SLC38A4: variants seen among roughly 807,000 people sequenced by gnomAD.
SLC38A4 encodes the protein solute carrier family 38 member 4.
SLC38A4 carries 20 observed loss-of-function variants against 63.1 expected under a neutral mutation model. The ratio of observed to expected loss-of-function variants is 0.32; its 90% CI spans 0.22 to 0.46. SLC38A4 has a LOEUF of 0.46. Among genes scored for constraint, SLC38A4 ranks in the 20% least tolerant of loss-of-function variants. The pLI is 1.00. For synonymous variants in SLC38A4, 230 were observed against 225.5 expected (o/e 1.02, Z -0.18); for missense variants, 526 against 663.6 (o/e 0.79, Z 2.28).
At chr12:46,776,731 T>G (rs745478225) in intron 13 of SLC38A4, among the ~76,000 whole-genome samples, 173 bp downstream of exon 13, 5 of 152,004 alleles carry the variant, frequency 3.3e-5, no homozygotes, top group Non-Finnish European at 7.4e-5. Context: ...CCAGGCTGAA[T>G]CAGGCCCCAT....
intron 3 of SLC38A4, among the ~76,000 whole-genome samples, chr12:46,791,947 G>C (rs1327828115): frequency 1.3e-5 from 2 of 152,074 alleles, no homozygotes; most frequent in Non-Finnish European, 2.9e-5. Flanking sequence ...TAACAAATAG[G>C]GAGAGGGCAA....
chr12:46,787,380 G>T lies in SLC38A4; in HGVS notation c.326+536C>A, dbSNP rs147531338. On this transcript the variant is annotated intron_variant, in intron 5 of 16. Coordinates refer to ENST00000266579, the MANE Select transcript of SLC38A4 (RefSeq NM_018018.5). ...ATTTGCCCCAGTCATGGAGATCAGG[G>T]CGCGCAGTATTCAGGTGAGACTGAA... 5.8e-3 allele frequency among the ~76,000 whole-genome samples: 890 copies of T among 152,224 alleles called. 2 individuals are homozygous for T. Among genetic ancestry groups the T allele is most frequent in the Non-Finnish European group, 9.2e-3 (627 of 68,016 alleles).
At chr12:46,772,928 T>G (rs925891597) in intron 14 of SLC38A4, among the ~76,000 whole-genome samples, 2 of 152,092 alleles carry the variant, frequency 1.3e-5, no homozygotes, top group Admixed American at 6.6e-5. Context: ...AAATAAACTG[T>G]CAGGAGAACC....
At chr12:46,830,308 A>T (rs868304651), upstream of SLC38A4, among the ~76,000 whole-genome samples, 6,204 of 149,886 alleles carry the variant, frequency 0.041, 155 homozygotes, top group African/African-American at 0.06. Flanking sequence ...TCACACACAC[A>T]CACACACACA....
chr12:46,768,881 C>T (rs1357846734), intron 15 of SLC38A4, among the ~76,000 whole-genome samples: 2 of 152,042 alleles, frequency 1.3e-5, no homozygotes, highest in Non-Finnish European at 2.9e-5. Context: ...ATATAATCAA[C>T]CTCCTATTCC....
chr12:46,814,529 G>T (rs1156322797), intron 1 of SLC38A4, among the ~76,000 whole-genome samples: 1 of 151,894 alleles, frequency 6.6e-6, no homozygotes, highest in Middle Eastern at 3.2e-3. Flanking sequence ...AAGACCCAAA[G>T]ATGTACCACG....
intron 5 of SLC38A4, 43 bp from the exon 6 acceptor site, chr12:46,785,220 A>C: frequency 7.2e-7 from 1 of 1,385,436 alleles, no homozygotes; most frequent in Non-Finnish European, 1.0e-6. Flanking sequence ...TTCTACAATA[A>C]ATAAAATGTA....
rs1195776478 is a variant in SLC38A4, at chr12:46,769,445, C to A, written c.1300-17G>T. On this transcript the variant is annotated splice_polypyrimidine_tract_variant and intron_variant, in intron 14 of 16. Transcript: ENST00000266579. ...TGTACGAATCTTAAACAAGAAAGTT[C>A]AAAGGCAAGATCATTTCTTTGTTTT... 4 of 1,607,582 alleles carry A rather than the reference C, an allele frequency of 2.5e-6. No individual in the cohort carries two copies. The highest frequency in any genetic ancestry group is 3.4e-6 in the Non-Finnish European group (4 of 1,174,996).
At chr12:46,767,847 C>G (rs2120731651) in intron 16 of SLC38A4, among the ~76,000 whole-genome samples, 1 of 152,162 alleles carries the variant, frequency 6.6e-6, no homozygotes, top group Admixed American at 6.6e-5. Context: ...TGGTTCTGTT[C>G]TGGATCTTAG....
Position 46,766,248 on chromosome 12 carries a change from G to T in SLC38A4, c.*453C>A, listed in dbSNP as rs1170529119. The T allele has an allele frequency of 7.6e-6, 3 of 393,654 alleles. No individual in the cohort carries two copies. Among genetic ancestry groups the T allele is most frequent in the Non-Finnish European group, 1.5e-5 (3 of 196,596 alleles). 24.4% of individuals were successfully genotyped at this position (393,654 alleles called of 1,614,324 possible). A position where few individuals can be genotyped will look rare whatever the true frequency, so the allele number is the denominator to read the frequency against. On this transcript the variant is annotated 3_prime_UTR_variant, in exon 17 of 17. Coordinates refer to ENST00000266579, the MANE Select transcript of SLC38A4 (RefSeq NM_018018.5). ...GTTAGTAAACAGACCAGAGACTTTG[G>T]TGCAAGACTGAGAGAAGACATTAAA...
Position 46,779,853 on chromosome 12 carries a change from G to A in SLC38A4, c.585C>T (p.Tyr195=). The stretch of plus-strand genomic sequence containing the variant: ...ATATGATGAGGTAGTTGCCATTGAG[G>A]TACCATTCTCTAGAAGTGAGAGACA... ...MGLEENTGEW[Y]LNGNYLIIFV... Residue 195 remains tyrosine, a synonymous_variant, in exon 9 of 17, where the codon TAC becomes TAT. Coordinates refer to ENST00000266579, the MANE Select transcript of SLC38A4 (RefSeq NM_018018.5). 1.9e-6 allele frequency: 3 copies of A among 1,612,104 alleles called. No individual in the cohort carries two copies. The South Asian group carries it at 3.3e-5, about 18-fold the overall frequency.
intron 3 of SLC38A4, among the ~76,000 whole-genome samples, chr12:46,792,126 T>C (rs1019584238): frequency 5.3e-5 from 8 of 151,760 alleles, no homozygotes; most frequent in African/African-American, 1.9e-4. Flanking sequence ...CTTGCAGGAG[T>C]GTAGAGGGCT....
At chr12:46,804,941 CT>C (rs1278422374) in intron 1 of SLC38A4, among the ~76,000 whole-genome samples, 1 of 151,890 alleles carries the variant, frequency 6.6e-6, no homozygotes, top group Non-Finnish European at 1.5e-5. Context: ...TTTAAGATTT[CT>C]TTCTGTTTGC....
Position 46,779,796 on chromosome 12 carries a change from C to A in SLC38A4, c.642G>T (p.Ser214=). The change falls in exon 9 of 17, where the codon TCG becomes TCT. Residue 214 remains serine, a synonymous_variant. Transcript: ENST00000266579. ...TATCTTTACCTAAATTTTTAAGGAG[C>A]GAAAGTGGAAGAATAATTCCAACAG... ...FVSVGIILPL[S]LLKNLGYLGY... The A allele has an allele frequency of 6.2e-7, 1 of 1,610,442 alleles. No individual in the cohort carries two copies. Among genetic ancestry groups the A allele is most frequent in the Admixed American group, 1.7e-5 (1 of 59,582 alleles).
At chr12:46,819,945 A>G (rs1280314733) in intron 1 of SLC38A4, among the ~76,000 whole-genome samples, 5 of 151,898 alleles carry the variant, frequency 3.3e-5, no homozygotes, top group African/African-American at 1.2e-4. Flanking sequence ...ACTCCGAGGC[A>G]CTCTGAAACA....
At chr12:46,809,476 T>C (rs1363067977) in intron 1 of SLC38A4, among the ~76,000 whole-genome samples, 1 of 152,042 alleles carries the variant, frequency 6.6e-6, no homozygotes, top group Non-Finnish European at 1.5e-5. Flanking sequence ...AAAAGCTTAT[T>C]TCTGCTGCTG....
rs1269262933 is a variant in SLC38A4, at chr12:46,793,143, A to G, written c.-72T>C. ...AAATAATATACTGTACCTTCAGCTT[A>G]AGGTTCTTCCACTTTGTGTTGATGT... On this transcript the variant is annotated 5_prime_UTR_variant, in exon 3 of 17. Transcript: ENST00000266579. 1 of 1,066,206 alleles carries G rather than the reference A, an allele frequency of 9.4e-7. No individual in the cohort carries two copies. The highest frequency in any genetic ancestry group is 1.6e-5 in the African/African-American group (1 of 64,144). The allele number at this position is 1,066,206 out of a possible 1,614,324, so 66.0% of individuals were successfully genotyped here. A position where few individuals can be genotyped will look rare whatever the true frequency, so the allele number is the denominator to read the frequency against.
At chr12:46,772,739 C>A (rs1938444537) in intron 14 of SLC38A4, among the ~76,000 whole-genome samples, 1 of 152,070 alleles carries the variant, frequency 6.6e-6, no homozygotes. Flanking sequence ...AAACCCCAGT[C>A]ATATCTTCTC....
Position 46,778,385 on chromosome 12 carries a change from A to G in SLC38A4, c.994-17T>C, listed in dbSNP as rs771011432. On this transcript the variant is annotated splice_polypyrimidine_tract_variant and intron_variant, in intron 11 of 16. Coordinates refer to ENST00000266579, the MANE Select transcript of SLC38A4 (RefSeq NM_018018.5). ...ATAGGCCGTCTGAAAAACAAAGACA[A>G]CACCACGTGTTTAGCATTCCAACAT... 6.2e-7 allele frequency: 1 copy of G among 1,612,284 alleles called. No individual in the cohort carries two copies. Among genetic ancestry groups the G allele is most frequent in the Non-Finnish European group, 8.5e-7 (1 of 1,179,068 alleles).
Sources: allele counts gnomAD v4.1 joint callset (sites outside exome capture counted in the v4.1 genomes callset), GRCh38; gene constraint gnomAD v4.1.1; transcripts MANE v1.5; gene names NCBI Gene and HGNC (gene_info 2026-07-23, HGNC 2026-07-21).